The following DCHS2 variants were observed in gnomAD, a reference collection of about 807,000 sequenced individuals.
DCHS2 encodes protocadherin-23.
In DCHS2, 142 loss-of-function variants were observed where a neutral mutation model predicts 182.4. The observed-to-expected ratio is 0.78, with a 90% CI of 0.68 to 0.89. The LOEUF is 0.89. Ranked by LOEUF, DCHS2 falls within the 40% of genes least tolerant of loss-of-function variation. DCHS2 has a pLI of 0.00. For synonymous variants in DCHS2, 1,740 were observed against 1,663.3 expected, an observed-to-expected ratio of 1.05 and a Z score of -1.12; for missense variants, 4,319 against 4,198.6, an observed-to-expected ratio of 1.03 and a Z score of -0.79.
In DCHS2 at chr4:154,332,628, C is replaced by T; in HGVS notation, c.3580G>A (p.Asp1194Asn). ...ENDNSPTFLH[D>N]VLFLKVEESP... ...TCTTCGACTTTCAAAAACAACACAT[C>T]ATGCAAGAAGGTGGGGGAATTGTCA... is the stretch of plus-strand genomic sequence containing the variant. Residue 1194 changes from aspartate to asparagine, a missense_variant, in exon 5 of 20, where the codon GAT (aspartate) becomes AAT (asparagine). Coordinates refer to ENST00000357232, the MANE Select transcript of DCHS2 (RefSeq NM_001358235.2). 1 of 1,614,284 alleles carries T rather than the reference C, an allele frequency of 6.2e-7. No individual in the cohort carries two copies. Among genetic ancestry groups the T allele is most frequent in the Non-Finnish European group, 8.5e-7 (1 of 1,180,056 alleles).
intron 2 of DCHS2, among the ~76,000 whole-genome samples, chr4:154,369,727 TATC>T (rs61382161): frequency 0.013 from 1,945 of 152,340 alleles, 45 homozygotes; most frequent in African/African-American, 0.044. Flanking sequence ...AATTTTGTCT[TATC>T]ATTTCTTTTT....
intron 16 of DCHS2, 111 bp from the exon 17 acceptor site, chr4:154,242,883 T>C (rs1214281845): frequency 1.5e-6 from 2 of 1,372,218 alleles, no homozygotes; most frequent in Non-Finnish European, 1.9e-6. Context: ...CTAGCTACTT[T>C]TATTTTTCTC....
At chr4:154,485,253 G>A (rs1165802494) in intron 1 of DCHS2, among the ~76,000 whole-genome samples, 2 of 152,296 alleles carry the variant, frequency 1.3e-5, no homozygotes, top group Middle Eastern at 3.4e-3. Flanking sequence ...ATTGGCAAGC[G>A]AGAGGCAGAA....
intron 1 of DCHS2, among the ~76,000 whole-genome samples, chr4:154,405,661 A>C (rs1732370145): frequency 6.6e-6 from 1 of 152,096 alleles, no homozygotes. Flanking sequence ...GCTAATTTTC[A>C]TAGTTTTTAT....
intron 3 of DCHS2, among the ~76,000 whole-genome samples, chr4:154,362,856 C>T (rs1481688925): frequency 1.3e-5 from 2 of 152,016 alleles, no homozygotes; most frequent in Non-Finnish European, 2.9e-5. Context: ...AATAACTTCC[C>T]ATCTCTAGCT....
At chr4:154,333,725 G>A (rs1042443021) in intron 4 of DCHS2, 6 of 565,172 alleles carry the variant, frequency 1.1e-5, no homozygotes, top group Non-Finnish European at 1.6e-5. Context: ...ACAGTATTAA[G>A]TGCAGTAATA....
intron 7 of DCHS2, among the ~76,000 whole-genome samples, chr4:154,325,607 G>A (rs1437881839): frequency 6.6e-6 from 1 of 152,112 alleles, no homozygotes; most frequent in African/African-American, 2.4e-5. Context: ...AAAAGAGGGG[G>A]AGAATGGGGA....
chr4:154,430,032 A>G (rs1733494825), intron 1 of DCHS2, among the ~76,000 whole-genome samples: 1 of 152,192 alleles, frequency 6.6e-6, no homozygotes, highest in Non-Finnish European at 1.5e-5. Context: ...GTTGGGGGTG[A>G]TTATGATAGT....
intron 13 of DCHS2, among the ~76,000 whole-genome samples, chr4:154,290,127 A>C (rs1244630548): frequency 2.0e-5 from 3 of 152,072 alleles, no homozygotes; most frequent in African/African-American, 7.2e-5. Flanking sequence ...ACAAAAATTC[A>C]TGGCATATTG....
Position 154,490,012 on chromosome 4 carries a change from C to G in DCHS2, c.1344G>C (p.Trp448Cys), listed in dbSNP as rs529904930. The G allele has an allele frequency of 1.3e-6, 2 of 1,548,866 alleles. No individual in the cohort carries two copies. The highest frequency in any genetic ancestry group is 1.4e-5 in the African/African-American group (1 of 73,182). The part of the protein sequence containing the change: ...RVSVSDADGD[W>C]EKEDEATGEL... ...CCCCTGTGGCCTCATCTTCCTTCTC[C>G]CAGTCACCGTCCGCGTCAGACACCG... The change falls in exon 1 of 20, where the codon TGG (tryptophan) becomes TGC (cysteine). Residue 448 changes from tryptophan (W) to cysteine (C), a missense_variant. By Grantham distance (215) the Trp-to-Cys change is radical. Transcript: ENST00000357232.
In DCHS2 at chr4:154,235,984, G is replaced by C; in HGVS notation, c.8668C>G (p.Pro2890Ala). 1 of 1,613,946 alleles carries C rather than the reference G, an allele frequency of 6.2e-7. No homozygotes were observed. Among genetic ancestry groups the C allele is most frequent in the Non-Finnish European group, 8.5e-7 (1 of 1,179,950 alleles). ...FTQDQYFFTL[P>A]EKNKDRQLIG... ...AACTGTCTGTCTTTATTCTTTTCTG[G>C]GAGGGTGAAAAAATACTGATCTTGA... The change falls in exon 20 of 20, where the codon CCA becomes GCA. Residue 2890 changes from proline to alanine, a missense_variant. Transcript: ENST00000357232.
intron 13 of DCHS2, among the ~76,000 whole-genome samples, chr4:154,281,161 G>C (rs1441662983): frequency 6.6e-6 from 1 of 151,628 alleles, no homozygotes; most frequent in Non-Finnish European, 1.5e-5. Flanking sequence ...ATTTAACACA[G>C]TATACAAGTC....
In DCHS2 at chr4:154,268,239, C is replaced by CAA. The variant is rs145547706; in HGVS notation, c.6577+1659_6577+1660dup. Among the ~76,000 whole-genome samples the CAA allele has an allele frequency of 1.3e-3, 189 of 148,712 alleles. 5 individuals carry two copies. The South Asian group carries it at 0.031, about 24-fold the overall frequency. On this transcript the variant is annotated intron_variant, in intron 14 of 19. Transcript: ENST00000357232. ...CTTTCACCTTTCACTTTCCCCCCCC[C>CAA]AAAAAAATAACGCTTTACCACTTCT...
At chr4:154,273,598 A>G (rs1470012047) in intron 13 of DCHS2, among the ~76,000 whole-genome samples, 1 of 152,128 alleles carries the variant, frequency 6.6e-6, no homozygotes, top group Non-Finnish European at 1.5e-5. Flanking sequence ...CCCAAAACCT[A>G]CTGAAATAAA....
chr4:154,384,570 A>C, intron 1 of DCHS2: 1 of 1,497,404 alleles, frequency 6.7e-7, no homozygotes, highest in Non-Finnish European at 8.9e-7. Context: ...AGTGAGTACT[A>C]CCTTATATGG....
chr4:154,485,728 T>G (rs1490654), intron 1 of DCHS2, among the ~76,000 whole-genome samples: 105,930 of 152,118 alleles, frequency 0.7, 37,993 homozygotes, highest in East Asian at 0.99. Context: ...ATGAACATAG[T>G]ACTTGTATTT....
At chr4:154,307,441 G>A (rs543958817) in intron 10 of DCHS2, among the ~76,000 whole-genome samples, 74 of 150,088 alleles carry the variant, frequency 4.9e-4, no homozygotes, top group African/African-American at 1.6e-3. Context: ...ATGTGCGCGC[G>A]CACACACACA....
chr4:154,238,214 C>G (rs537428765), intron 19 of DCHS2, among the ~76,000 whole-genome samples: 2 of 152,008 alleles, frequency 1.3e-5, no homozygotes, highest in Admixed American at 1.3e-4. Context: ...ATTCCTGATA[C>G]GTTTGTAATC....
rs567327188 is a variant in DCHS2, at chr4:154,236,860, A to G, written c.7792T>C (p.Phe2598Leu). ...TGAAAGAACTTAGTTTCCACATGAAAATTGTTCTGTGAATTACCACTGATG... is the reference window on the plus strand; with the variant it reads ...TGAAAGAACTTAGTTTCCACATGAAGATTGTTCTGTGAATTACCACTGATG... ...SIISGNSQNNFHVETKFFHSE... is the reference protein window; with the variant it reads ...SIISGNSQNNLHVETKFFHSE... Residue 2598 changes from phenylalanine to leucine, a missense_variant, in exon 20 of 20, where the codon TTT becomes CTT. Phe to Leu is a conservative substitution (Grantham distance 22). Transcript: ENST00000357232. The G allele has an allele frequency of 1.2e-6, 2 of 1,614,068 alleles. No homozygotes were observed. The highest frequency in any genetic ancestry group is 1.1e-5 in the South Asian group (1 of 91,084).
Sources: allele counts gnomAD v4.1 joint callset (sites outside exome capture counted in the v4.1 genomes callset), GRCh38; gene constraint gnomAD v4.1.1; transcripts MANE v1.5; gene names NCBI Gene and HGNC (gene_info 2026-07-23, HGNC 2026-07-21).